DEPDC1B: variants seen among roughly 807,000 people sequenced by gnomAD.
DEPDC1B encodes the protein DEP domain containing 1B, also known as DEP domain-containing protein 1B.
In DEPDC1B, 51 loss-of-function variants were observed where a neutral mutation model predicts 66.5. That is an observed-to-expected ratio of 0.77 (90% CI 0.61 to 0.97). The LOEUF (loss-of-function observed/expected upper bound fraction) is 0.97. Among genes scored for constraint, DEPDC1B ranks in the 50% least tolerant of loss-of-function variants. The pLI is 0.00. For synonymous variants in DEPDC1B, 226 were observed against 223.6 expected (o/e 1.01, Z -0.10); for missense variants, 552 against 637.1 (o/e 0.87, Z 1.44).
chr5:60,618,941 TA>T (rs1347248053), intron 7 of DEPDC1B, among the ~76,000 whole-genome samples: 3 of 152,206 alleles, frequency 2.0e-5, no homozygotes, highest in Non-Finnish European at 4.4e-5. Flanking sequence ...TGATCCACCA[TA>T]ATCAAGTGGG....
intron 2 of DEPDC1B, among the ~76,000 whole-genome samples, chr5:60,672,299 G>A (rs1368311669): frequency 6.6e-6 from 1 of 152,148 alleles, no homozygotes; most frequent in African/African-American, 2.4e-5. Context: ...TTTCACACTG[G>A]TATAAAGAAC....
intron 2 of DEPDC1B, among the ~76,000 whole-genome samples, chr5:60,650,559 C>G (rs1753426189): frequency 6.6e-6 from 1 of 152,104 alleles, no homozygotes; most frequent in South Asian, 2.1e-4. Context: ...GCAAAATGGC[C>G]CCCAGTTGCG....
intron 2 of DEPDC1B, among the ~76,000 whole-genome samples, chr5:60,651,326 G>A (rs1434006113): frequency 3.9e-5 from 6 of 152,126 alleles, no homozygotes; most frequent in South Asian, 2.1e-4. Flanking sequence ...TCAGGAATTC[G>A]AGACCAGCCT....
At chr5:60,626,218 T>A (rs1752806675) in intron 7 of DEPDC1B, among the ~76,000 whole-genome samples, 1 of 152,170 alleles carries the variant, frequency 6.6e-6, no homozygotes, top group Admixed American at 6.5e-5. Context: ...GAATAATGTT[T>A]CCAAGATTCA....
At chr5:60,642,273 A>C (rs1584056716) in intron 6 of DEPDC1B, among the ~76,000 whole-genome samples, 1 of 152,244 alleles carries the variant, frequency 6.6e-6, no homozygotes, top group Admixed American at 6.5e-5. Flanking sequence ...GTTTGGGTTA[A>C]GCCATTAATC....
At position 60,597,462 on chromosome 5, in the gene DEPDC1B, G is replaced by A. The variant is rs1485746052; in HGVS notation, c.*291C>T. 1 of 261,216 alleles carries A rather than the reference G, an allele frequency of 3.8e-6. No homozygotes were observed. Among genetic ancestry groups the A allele is most frequent in the African/African-American group, 2.3e-5 (1 of 43,114 alleles). The allele number at this position is 261,216 out of a possible 1,614,324, so 16.2% of individuals were successfully genotyped here. On this transcript the variant is annotated 3_prime_UTR_variant, in exon 11 of 11. Coordinates refer to ENST00000265036, the MANE Select transcript of DEPDC1B (RefSeq NM_018369.3). ...TTTAATAAACACCATGAAAAAGAAA[G>A]CACAGAGATAAAAATACCCTTAAAT...
intron 2 of DEPDC1B, among the ~76,000 whole-genome samples, chr5:60,685,295 C>A (rs529579551): frequency 1.3e-5 from 2 of 152,128 alleles, no homozygotes; most frequent in Admixed American, 1.3e-4. Context: ...CGGATTTCAT[C>A]CCAGCTTAAT....
At chr5:60,625,297 T>G (rs1162034539) in intron 7 of DEPDC1B, among the ~76,000 whole-genome samples, 1 of 152,176 alleles carries the variant, frequency 6.6e-6, no homozygotes, top group Non-Finnish European at 1.5e-5. Context: ...TATTTCTAGT[T>G]CTAGATCCTT....
intron 2 of DEPDC1B, among the ~76,000 whole-genome samples, chr5:60,675,943 T>C (rs1474310046): frequency 6.6e-6 from 1 of 151,846 alleles, no homozygotes; most frequent in Non-Finnish European, 1.5e-5. Flanking sequence ...GTTTTTTGTT[T>C]TGAGAGGGAG....
At chr5:60,603,352 T>C (rs1179580850) in intron 9 of DEPDC1B, 39 bp downstream of exon 9, 3 of 1,464,656 alleles carry the variant, frequency 2.0e-6, no homozygotes, top group South Asian at 3.2e-5. Context: ...TGACTTTATA[T>C]TGCCAATTTC....
At chr5:60,628,141 T>C (rs569404097) in intron 7 of DEPDC1B, 1 of 152,336 alleles carries the variant, frequency 6.6e-6, no homozygotes, top group Admixed American at 6.5e-5. Context: ...AACCCAACTG[T>C]TCCTATGATA....
chr5:60,691,916 G>C (rs1364710199), intron 1 of DEPDC1B, among the ~76,000 whole-genome samples: 2 of 152,116 alleles, frequency 1.3e-5, no homozygotes, highest in African/African-American at 4.8e-5. Context: ...CAAGAGCTAA[G>C]TTATGGAATC....
At chr5:60,642,467 G>A (rs1753211678) in intron 6 of DEPDC1B, among the ~76,000 whole-genome samples, 1 of 152,124 alleles carries the variant, frequency 6.6e-6, no homozygotes, top group Non-Finnish European at 1.5e-5. Flanking sequence ...CCTGGTCCAG[G>A]CCCTCTCATC....
intron 1 of DEPDC1B, among the ~76,000 whole-genome samples, chr5:60,694,492 T>C (rs7712043): frequency 0.093 from 14,176 of 152,218 alleles, 1,237 homozygotes; most frequent in African/African-American, 0.22. Flanking sequence ...AAATCAGTTG[T>C]AGCAATTCAC....
intron 7 of DEPDC1B, among the ~76,000 whole-genome samples, chr5:60,607,353 G>C (rs1393210137): frequency 6.6e-6 from 1 of 152,156 alleles, no homozygotes; most frequent in African/African-American, 2.4e-5. Context: ...ACGTACTCAG[G>C]AATGCTGTTG....
intron 2 of DEPDC1B, among the ~76,000 whole-genome samples, chr5:60,668,227 G>T (rs1283707856): frequency 1.0e-4 from 5 of 49,132 alleles, no homozygotes; most frequent in Admixed American, 2.7e-4. Flanking sequence ...ATATAAAATG[G>T]ATATTTTATA....
chr5:60,623,285 T>C (rs1387192447), intron 7 of DEPDC1B, among the ~76,000 whole-genome samples: 4 of 152,158 alleles, frequency 2.6e-5, no homozygotes, highest in Non-Finnish European at 5.9e-5. Context: ...TGACTACAGA[T>C]ACATGAATCT....
chr5:60,644,927 C>T (rs1454324418), intron 4 of DEPDC1B, 52 bp from the exon 5 acceptor site: 1 of 1,384,118 alleles, frequency 7.2e-7, no homozygotes. Context: ...ATTATATTTA[C>T]TCAAAAACCT....
chr5:60,676,749 C>T lies in DEPDC1B; in HGVS notation c.314+10213G>A, dbSNP rs540709396. ...GCTCCTCCTCCGTCTCCTTCCCCTT[C>T]TCCTTCTCCTCCCCATCCCCCTCCC... On this transcript the variant is annotated intron_variant, in intron 2 of 10. Transcript: ENST00000265036. 3.9e-5 allele frequency among the ~76,000 whole-genome samples: 6 copies of T among 152,294 alleles called. No homozygotes were observed. In the South Asian group the frequency reaches 1.2e-3, roughly 32 times the overall value.
Sources: allele counts gnomAD v4.1 joint callset (sites outside exome capture counted in the v4.1 genomes callset), GRCh38; gene constraint gnomAD v4.1.1; transcripts MANE v1.5; gene names NCBI Gene and HGNC (gene_info 2026-07-23, HGNC 2026-07-21).